GRID2: variants seen among roughly 807,000 people sequenced by gnomAD.
GRID2 encodes the protein glutamate ionotropic receptor delta type subunit 2, also known as glutamate receptor ionotropic, delta-2.
Under a neutral mutation model 114.8 loss-of-function variants are expected in GRID2, and 33 were observed. The ratio of observed to expected loss-of-function variants is 0.29; its 90% CI spans 0.22 to 0.38. The LOEUF is 0.38. Among genes scored for constraint, GRID2 ranks in the 10% least tolerant of loss-of-function variants. The pLI is 1.00. For synonymous variants in GRID2, 505 were observed against 449.9 expected (o/e 1.12, Z -1.55); for missense variants, 1,184 against 1,257.7 (o/e 0.94, Z 0.89).
chr4:92,819,873 G>T (rs1320639451), intron 2 of GRID2, among the ~76,000 whole-genome samples: 1 of 152,090 alleles, frequency 6.6e-6, no homozygotes, highest in Admixed American at 6.6e-5. Context: ...GAAGAGAAAT[G>T]ATAAAAGTCT....
intron 1 of GRID2, among the ~76,000 whole-genome samples, chr4:92,320,473 C>A (rs1726251381): frequency 6.6e-6 from 1 of 151,868 alleles, no homozygotes; most frequent in Non-Finnish European, 1.5e-5. Context: ...ATATTACCTA[C>A]TTTTTTTTCT....
At chr4:93,628,251 T>C (rs1008682553) in intron 14 of GRID2, among the ~76,000 whole-genome samples, 2 of 152,144 alleles carry the variant, frequency 1.3e-5, no homozygotes, top group African/African-American at 4.8e-5. Context: ...AGGGAATCCG[T>C]CTGTAAAGCA....
intron 4 of GRID2, among the ~76,000 whole-genome samples, chr4:93,192,438 G>T (rs11930100): frequency 0.075 from 11,342 of 152,068 alleles, 441 homozygotes; most frequent in East Asian, 0.16. Context: ...AGGATGGGTA[G>T]GTCTTAAGAA....
At chr4:92,534,142 G>A (rs959652213) in intron 1 of GRID2, among the ~76,000 whole-genome samples, 8 of 151,626 alleles carry the variant, frequency 5.3e-5, no homozygotes, top group Non-Finnish European at 1.0e-4. Flanking sequence ...CTTATTTTTC[G>A]GGAGCAAAGG....
At chr4:92,374,787 G>C (rs1283849470) in intron 1 of GRID2, among the ~76,000 whole-genome samples, 2 of 152,116 alleles carry the variant, frequency 1.3e-5, no homozygotes, top group African/African-American at 4.8e-5. Flanking sequence ...TCTTGAAGGG[G>C]ATAGAGTCAA....
intron 8 of GRID2, among the ~76,000 whole-genome samples, chr4:93,250,788 T>C (rs940686873): frequency 1.3e-5 from 2 of 149,152 alleles, no homozygotes; most frequent in African/African-American, 4.9e-5. Context: ...TGCATGCATG[T>C]ATATATATAC....
intron 13 of GRID2, among the ~76,000 whole-genome samples, chr4:93,559,807 T>C (rs931380195): frequency 1.3e-5 from 2 of 152,098 alleles, no homozygotes; most frequent in Non-Finnish European, 1.5e-5. Context: ...CTATTCACAG[T>C]AGCAATGACT....
chr4:93,052,191 T>C (rs924367904), intron 2 of GRID2, among the ~76,000 whole-genome samples: 1 of 151,988 alleles, frequency 6.6e-6, no homozygotes, highest in South Asian at 2.1e-4. Context: ...GTTAAAAACA[T>C]GAAAAATTAC....
chr4:92,923,725 A>G (rs542579841), intron 2 of GRID2, among the ~76,000 whole-genome samples: 18 of 152,282 alleles, frequency 1.2e-4, no homozygotes, highest in African/African-American at 4.1e-4. Flanking sequence ...AGCTCCATGA[A>G]TATTCACCAG....
chr4:92,452,263 C>G (rs1462845819), intron 1 of GRID2, among the ~76,000 whole-genome samples: 1 of 151,576 alleles, frequency 6.6e-6, no homozygotes, highest in Non-Finnish European at 1.5e-5. Flanking sequence ...TTAATGTCAA[C>G]ATTGCCTTTC....
chr4:92,499,709 G>A (rs2149121843), intron 1 of GRID2, among the ~76,000 whole-genome samples: 1 of 152,244 alleles, frequency 6.6e-6, no homozygotes, highest in South Asian at 2.1e-4. Context: ...CTGCCTTCTG[G>A]GTTCATGCGA....
intron 2 of GRID2, among the ~76,000 whole-genome samples, chr4:93,023,904 A>C (rs1395005081): frequency 6.6e-6 from 1 of 151,884 alleles, no homozygotes; most frequent in East Asian, 1.9e-4. Flanking sequence ...ACAGAACTTT[A>C]TATAGTTCAC....
At chr4:93,649,465 G>A (rs898435495) in intron 14 of GRID2, among the ~76,000 whole-genome samples, 6 of 151,976 alleles carry the variant, frequency 3.9e-5, no homozygotes, top group Non-Finnish European at 7.4e-5. Flanking sequence ...AAGCTTGTTT[G>A]GTTTTCATGG....
At chr4:93,151,643 T>G (rs1247812213) in intron 4 of GRID2, among the ~76,000 whole-genome samples, 1 of 152,148 alleles carries the variant, frequency 6.6e-6, no homozygotes, top group Non-Finnish European at 1.5e-5. Flanking sequence ...TATAAACATT[T>G]AATTTCATAA....
chr4:93,566,645 C>A (rs1239628388), intron 13 of GRID2, among the ~76,000 whole-genome samples: 1 of 152,034 alleles, frequency 6.6e-6, no homozygotes, highest in Non-Finnish European at 1.5e-5. Context: ...TGGTGCGCAG[C>A]TATAATCCTA....
At chr4:93,235,893 G>C (rs1746728734) in intron 7 of GRID2, among the ~76,000 whole-genome samples, 1 of 151,970 alleles carries the variant, frequency 6.6e-6, no homozygotes, top group South Asian at 2.1e-4. Context: ...CACCAGATTA[G>C]TCTAGTGCTC....
intron 4 of GRID2, among the ~76,000 whole-genome samples, chr4:93,157,406 ATAT>A (rs1339184459): frequency 2.6e-5 from 4 of 151,740 alleles, no homozygotes; most frequent in Non-Finnish European, 4.4e-5. Context: ...AAGTTTTAAA[ATAT>A]TATTAATTTT....
At chr4:92,704,062 G>A (rs1304758854) in intron 2 of GRID2, among the ~76,000 whole-genome samples, 1 of 151,910 alleles carries the variant, frequency 6.6e-6, no homozygotes, top group East Asian at 1.9e-4. Context: ...AGATCACGAG[G>A]TCAGGAGATC....
At chr4:93,359,945 C>A (rs528131577) in intron 8 of GRID2, among the ~76,000 whole-genome samples, 6 of 129,294 alleles carry the variant, frequency 4.6e-5, no homozygotes. Flanking sequence ...AGCATCACTT[C>A]TTTTATATTC....
Sources: gnomAD v4.1 joint callset for allele counts (sites outside exome capture counted in the v4.1 genomes callset) on GRCh38, gnomAD v4.1.1 for gene constraint, MANE v1.5 for transcripts, NCBI Gene and HGNC (gene_info 2026-07-23, HGNC 2026-07-21) for gene names.